The following DNAJB1 variants were observed in gnomAD, a reference collection of about 807,000 sequenced individuals.
DNAJB1 encodes the protein dnaJ homolog subfamily B member 1.
Under a neutral mutation model 24.0 loss-of-function variants are expected in DNAJB1, and 14 were observed. The observed-to-expected ratio is 0.58, with a 90% confidence interval of 0.39 to 0.91. The LOEUF is 0.91. Ranked by LOEUF, DNAJB1 falls within the 40% of genes least tolerant of loss-of-function variation. The probability of loss-of-function intolerance (pLI) is 0.00; values close to 1 mark genes in which losing one functional copy is unlikely to be tolerated. For synonymous variants in DNAJB1, 262 were observed against 174.4 expected (o/e 1.50, Z -3.96); for missense variants, 517 against 458.1 (o/e 1.13, Z -1.17).
At chr19:14,535,576 ATATATATATATATGTATG>A (rs1361458603) in intron 1 of DNAJB1, among the ~76,000 whole-genome samples, 8 of 39,886 alleles carry the variant, frequency 2.0e-4, no homozygotes, top group Admixed American at 5.3e-4. Context: ...ATATATATAT[ATATATATATATATGTATG>A]TATATATAAA....
rs188826203 is a variant in DNAJB1, at chr19:14,559,345, C to G, written c.-2166+686G>C. ...AGCAGCAGCCACTCCCCATTCCCCC[C>G]GCCCAGCCCCTGGCCCCTCCAATTT... On this transcript the variant is annotated intron_variant, in intron 1 of 5. Coordinates refer to the DNAJB1 transcript ENST00000679223. Among the ~76,000 whole-genome samples the G allele has an allele frequency of 2.0e-5, 3 of 152,274 alleles. No homozygotes were observed. In the East Asian group the frequency reaches 5.8e-4, roughly 29 times the overall value.
chr19:14,553,864 C>T (rs2073625345), upstream of DNAJB1, among the ~76,000 whole-genome samples: 2 of 152,138 alleles, frequency 1.3e-5, no homozygotes, highest in Non-Finnish European at 2.9e-5. Context: ...GGCTGGCCAG[C>T]TGCAGGACCT....
chr19:14,548,728 T>A (rs1031844104), intron 1 of DNAJB1, among the ~76,000 whole-genome samples: 3 of 152,020 alleles, frequency 2.0e-5, no homozygotes, highest in African/African-American at 7.2e-5. Flanking sequence ...CAGGCACGCA[T>A]CACCACGTCT....
chr19:14,524,357 C>G (rs746066442), intron 2 of DNAJB1, among the ~76,000 whole-genome samples: 5 of 151,786 alleles, frequency 3.3e-5, no homozygotes, highest in Non-Finnish European at 5.9e-5. Flanking sequence ...AGTGAGACCC[C>G]ATATCTGCAA....
In DNAJB1 at chr19:14,544,979, G is replaced by A. The variant is rs77117646; in HGVS notation, c.-214+5229C>T. On this transcript the variant is annotated intron_variant, in intron 1 of 3. Coordinates refer to the DNAJB1 transcript ENST00000676982. ...GACACATCAGAATCTAGGAACTGCG[G>A]TGTCCTTTTCACTCCTTCCCTTCTC... 1.7e-3 allele frequency: 704 copies of A among 408,754 alleles called. 6 individuals carry two copies. Among genetic ancestry groups the A allele is most frequent in the African/African-American group, 0.013 (649 of 48,686 alleles). 25.3% of individuals were successfully genotyped at this position (408,754 alleles called of 1,614,324 possible).
intron 1 of DNAJB1, among the ~76,000 whole-genome samples, chr19:14,555,373 T>G (rs564716038): frequency 6.7e-5 from 10 of 150,098 alleles, no homozygotes; most frequent in Middle Eastern, 7.0e-3. Flanking sequence ...CTCAGCCTCC[T>G]GAGTAGCTGG....
upstream of DNAJB1, chr19:14,529,510 G>A (rs774759186): frequency 2.6e-6 from 2 of 768,670 alleles, no homozygotes; most frequent in South Asian, 2.9e-5. Context: ...GCCCCAAGGA[G>A]CAGGGGCGAA....
upstream of DNAJB1, chr19:14,529,750 A>AC: frequency 6.2e-7 from 1 of 1,613,756 alleles, no homozygotes. Flanking sequence ...GCCACTGCTG[A>AC]CCCATTCTTT....
At chr19:14,525,365 A>T (rs1298036559) in intron 2 of DNAJB1, among the ~76,000 whole-genome samples, 2 of 151,936 alleles carry the variant, frequency 1.3e-5, no homozygotes, top group Non-Finnish European at 2.9e-5. Context: ...CTCATGAGCG[A>T]ATGTTTGCTG....
upstream of DNAJB1, among the ~76,000 whole-genome samples, chr19:14,521,822 A>C (rs1325028853): frequency 6.6e-6 from 1 of 152,146 alleles, no homozygotes; most frequent in Non-Finnish European, 1.5e-5. Flanking sequence ...GGGTTTCACC[A>C]TGTTGGCCAG....
chr19:14,534,384 A>C (rs1485233639), upstream of DNAJB1, among the ~76,000 whole-genome samples: 1 of 126,000 alleles, frequency 7.9e-6, no homozygotes, highest in Non-Finnish European at 1.6e-5. Flanking sequence ...TCGGCCTCCC[A>C]GGGTGCTGGG....
chr19:14,542,146 G>A (rs903506399), intron 1 of DNAJB1, among the ~76,000 whole-genome samples: 3 of 151,844 alleles, frequency 2.0e-5, no homozygotes, highest in Non-Finnish European at 4.4e-5. Flanking sequence ...ATTGTTTTTA[G>A]TAGAGATGGG....
At chr19:14,518,081 GCC>G in intron 1 of DNAJB1, 56 bp downstream of exon 1, 1 of 1,376,346 alleles carries the variant, frequency 7.3e-7, no homozygotes, top group Non-Finnish European at 9.4e-7. Context: ...GGGCCAGCGT[GCC>G]TCAGTTTCCC....
intron 1 of DNAJB1, among the ~76,000 whole-genome samples, chr19:14,541,281 A>C (rs2073089276): frequency 6.6e-6 from 1 of 152,100 alleles, no homozygotes; most frequent in Non-Finnish European, 1.5e-5. Flanking sequence ...CTGGCTGGCA[A>C]CTGGCTTCTT....
upstream of DNAJB1, among the ~76,000 whole-genome samples, chr19:14,554,574 C>A (rs551231260): frequency 4.5e-4 from 68 of 152,298 alleles, no homozygotes; most frequent in Non-Finnish European, 7.8e-4. Flanking sequence ...CAGAGGCCTT[C>A]TGTGCATGGC....
chr19:14,556,859 G>A (rs1227251672), intron 1 of DNAJB1, among the ~76,000 whole-genome samples: 5 of 152,150 alleles, frequency 3.3e-5, no homozygotes, highest in Non-Finnish European at 7.4e-5. Context: ...AGCCTCCGCC[G>A]CTTGCAGCCA....
At chr19:14,548,718 C>T (rs1437314554) in intron 1 of DNAJB1, among the ~76,000 whole-genome samples, 1 of 152,120 alleles carries the variant, frequency 6.6e-6, no homozygotes, top group Non-Finnish European at 1.5e-5. Flanking sequence ...GCTGGGATTA[C>T]AGGCACGCAT....
upstream of DNAJB1, among the ~76,000 whole-genome samples, chr19:14,522,665 A>AACACAGAC (rs1222216395): frequency 1.2e-5 from 1 of 86,620 alleles, no homozygotes; most frequent in African/African-American, 4.8e-5. Flanking sequence ...TCTGCACACA[A>AACACAGAC]ACACAGACAC....
At chr19:14,522,507 A>AAAT (rs2072372034), upstream of DNAJB1, among the ~76,000 whole-genome samples, 3 of 150,802 alleles carry the variant, frequency 2.0e-5, no homozygotes, top group Non-Finnish European at 3.0e-5. Context: ...AAAAAAAAAA[A>AAAT]GCCAACACTG....
Sources: gnomAD v4.1 joint callset for allele counts (sites outside exome capture counted in the v4.1 genomes callset) on GRCh38, gnomAD v4.1.1 for gene constraint, MANE v1.5 for transcripts, NCBI Gene and HGNC (gene_info 2026-07-23, HGNC 2026-07-21) for gene names.